DUSP15: variants seen among roughly 807,000 people sequenced by gnomAD.
The protein encoded by DUSP15 is dual specificity phosphatase 15.
In DUSP15, 23 loss-of-function variants were observed where a neutral mutation model predicts 26.3. The ratio of observed to expected loss-of-function variants is 0.87; its 90% CI spans 0.63 to 1.24. The LOEUF (loss-of-function observed/expected upper bound fraction) is 1.24, where lower values mean the gene tolerates loss of function less well. Ranked by LOEUF, DUSP15 falls within the 50% of genes most tolerant of loss-of-function variation. The probability of loss-of-function intolerance (pLI) is 0.00; values close to 1 mark genes in which losing one functional copy is unlikely to be tolerated. For missense variants in DUSP15, 364 were observed against 320.6 expected (o/e 1.14, Z -1.03); for synonymous variants, 143 against 135.5 (o/e 1.06, Z -0.39).
intron 5 of DUSP15, chr20:31,863,681 G>A (rs2062707660): frequency 1.8e-6 from 1 of 540,962 alleles, no homozygotes; most frequent in African/African-American, 1.9e-5. Flanking sequence ...TACAGATGAG[G>A]ACATTGAGTC....
downstream of DUSP15, among the ~76,000 whole-genome samples, chr20:31,846,323 C>G (rs562386826): frequency 1.3e-5 from 2 of 150,270 alleles, no homozygotes; most frequent in South Asian, 4.2e-4. Flanking sequence ...CACACACACA[C>G]GTAGTATACG....
chr20:31,864,901 AC>A, intron 4 of DUSP15, 51 bp downstream of exon 4: 1 of 1,517,698 alleles, frequency 6.6e-7, no homozygotes, highest in African/African-American at 1.4e-5. Flanking sequence ...CCCCTCCCCC[AC>A]CACAGAAGGC....
In DUSP15 at chr20:31,862,578, G is replaced by C. The variant is rs202004496; in HGVS notation, c.428C>G (p.Ser143Cys). 3.7e-6 allele frequency: 6 copies of C among 1,609,084 alleles called. No homozygotes were observed. The highest frequency in any genetic ancestry group is 1.7e-4 in the Middle Eastern group (1 of 6,038). Reference protein sequence around the residue: ...QQLEEFGWASSQKLRRQLEER... With the variant: ...QQLEEFGWASCQKLRRQLEER... Reference sequence around the variant, plus strand: ...CCTTGACCCCATCCCTACCTTCTGGGAACTGGCCCAGCCAAACTCTTCAAG... The same window carrying C: ...CCTTGACCCCATCCCTACCTTCTGGCAACTGGCCCAGCCAAACTCTTCAAG... Residue 143 changes from serine (S) to cysteine (C), a missense_variant, in exon 6 of 7, where the codon TCC (serine) becomes TGC (cysteine). Ser to Cys is a moderately radical substitution (Grantham distance 112). Coordinates refer to ENST00000339738, the MANE Select transcript of DUSP15 (RefSeq NM_080611.5).
rs761950157 is a variant in DUSP15, at chr20:31,863,961, C to G, written c.209G>C (p.Cys70Ser). ...GCGGCAGCAGTGGATGAAGTTGATACATTCTTTGAAGTGCTTTTTGCTAGA... is the reference window on the plus strand; with the variant it reads ...GCGGCAGCAGTGGATGAAGTTGATAGATTCTTTGAAGTGCTTTTTGCTAGA... Reference protein sequence around the residue: ...EVPIKKHFKECINFIHCCRLN... With the variant: ...EVPIKKHFKESINFIHCCRLN... Residue 70 changes from cysteine (C) to serine (S), a missense_variant, in exon 5 of 7, where the codon TGT becomes TCT. Transcript: ENST00000339738. The G allele has an allele frequency of 3.7e-6, 6 of 1,613,834 alleles. No homozygotes were observed. In the South Asian group the frequency reaches 4.4e-5, roughly 12 times the overall value.
At chr20:31,863,820 C>T in intron 5 of DUSP15, 87 bp downstream of exon 5, 1 of 1,376,958 alleles carries the variant, frequency 7.3e-7, no homozygotes, top group Non-Finnish European at 1.0e-6. Flanking sequence ...CTCACAGGTC[C>T]AACCTTCCCA....
exon 10 of DUSP15, chr20:31,848,334 C>T (rs1367886036): frequency 1.3e-6 from 2 of 1,500,008 alleles, no homozygotes; most frequent in Non-Finnish European, 1.8e-6. Context: ...CCGGGGGAGG[C>T]CCCAAGTCTA....
chr20:31,857,897 A>G (rs909793746), downstream of DUSP15, among the ~76,000 whole-genome samples: 3 of 152,144 alleles, frequency 2.0e-5, no homozygotes, highest in African/African-American at 7.2e-5. Flanking sequence ...CAGAATTCCC[A>G]TTAGTGCATT....
intron 7 of DUSP15, chr20:31,850,005 C>A (rs1235880828): frequency 1.9e-6 from 2 of 1,062,118 alleles, no homozygotes; most frequent in Non-Finnish European, 2.6e-6. Flanking sequence ...TTTGGGTGCT[C>A]TCTCCCTATC....
upstream of DUSP15, chr20:31,870,629 GC>G: frequency 2.3e-6 from 3 of 1,328,088 alleles, no homozygotes; most frequent in African/African-American, 3.0e-5. This position sits in a 1 kb window ranked among gnomAD's most constrained non-coding sequence, Gnocchi z 6.6. Flanking sequence ...GCCGGACAAA[GC>G]CCCAGTGTGC....
In DUSP15 at chr20:31,854,546, C is replaced by T. The variant is rs138729521; in HGVS notation, c.427-3870G>A. On this transcript the variant is annotated intron_variant, in intron 6 of 9. Transcript: ENST00000278979. ...TTTGTTCATGGCTGTGGTCTCCAAGCGACTAGAATGGTCCCTGGCACACAG... is the reference window on the plus strand; with the variant it reads ...TTTGTTCATGGCTGTGGTCTCCAAGTGACTAGAATGGTCCCTGGCACACAG... Among the ~76,000 whole-genome samples the T allele has an allele frequency of 6.0e-3, 914 of 152,198 alleles. 16 individuals are homozygous for T. The highest frequency in any genetic ancestry group is 0.044 in the Admixed American group (664 of 15,258).
intron 7 of DUSP15, chr20:31,850,579 C>G (rs984349366): frequency 5.0e-6 from 8 of 1,596,654 alleles, no homozygotes; most frequent in Non-Finnish European, 6.8e-6. Context: ...GTTCAGCACA[C>G]TGGTCGGAGG....
chr20:31,848,671 T>C, intron 9 of DUSP15: 2 of 1,460,962 alleles, frequency 1.4e-6, no homozygotes, highest in South Asian at 1.4e-5. Context: ...ACCCCCATTT[T>C]CCAGGTAGGG....
downstream of DUSP15, among the ~76,000 whole-genome samples, chr20:31,847,014 G>C (rs1236234383): frequency 6.6e-6 from 1 of 152,150 alleles, no homozygotes. Flanking sequence ...GGTCCAGAGA[G>C]TCAGGCCCAG....
At chr20:31,867,631 GTTTTTTTTTTTTTTTTTT>G (rs57662463) in intron 2 of DUSP15, among the ~76,000 whole-genome samples, 84 of 77,644 alleles carry the variant, frequency 1.1e-3, no homozygotes, top group African/African-American at 4.6e-3. Context: ...TGCCCACAAT[GTTTTTTTTTTTTTTTTTT>G]TTTTTTTTTT....
At chr20:31,864,893 C>G in intron 4 of DUSP15, 60 bp downstream of exon 4, 1 of 1,574,112 alleles carries the variant, frequency 6.4e-7, no homozygotes, top group Non-Finnish European at 8.7e-7. Context: ...ACCCCCTCCC[C>G]CTCCCCCACC....
downstream of DUSP15, among the ~76,000 whole-genome samples, chr20:31,860,610 T>G (rs2062629185): frequency 6.6e-6 from 1 of 152,214 alleles, no homozygotes; most frequent in Non-Finnish European, 1.5e-5. Flanking sequence ...CTGTGTGTGC[T>G]CCGGCAAGCT....
At chr20:31,863,158 T>G (rs752368792) in intron 5 of DUSP15, among the ~76,000 whole-genome samples, 1 of 151,686 alleles carries the variant, frequency 6.6e-6, no homozygotes, top group Non-Finnish European at 1.5e-5. Flanking sequence ...GGCTAGGAGA[T>G]CCACATAGGA....
At chr20:31,848,488 G>A in exon 10 of DUSP15, 1 of 1,611,764 alleles carries the variant, frequency 6.2e-7, no homozygotes, top group Non-Finnish European at 8.5e-7. Context: ...GGTTGCCAGG[G>A]GTTGAGGACC....
intron 6 of DUSP15, chr20:31,850,804 C>T (rs2062456191): frequency 2.1e-6 from 2 of 963,232 alleles, no homozygotes; most frequent in Non-Finnish European, 3.2e-6. Context: ...AACCAAAGGG[C>T]CTGGAGGAGG....
Sources: allele counts gnomAD v4.1 joint callset (sites outside exome capture counted in the v4.1 genomes callset), GRCh38; gene constraint gnomAD v4.1.1; non-coding constraint Gnocchi (gnomAD v3.1); transcripts MANE v1.5; gene names NCBI Gene and HGNC (gene_info 2026-07-23, HGNC 2026-07-21).